APOO: variants seen among roughly 807,000 people sequenced by gnomAD.
APOO encodes the protein MICOS complex subunit MIC26.
In APOO, 11 loss-of-function variants were observed where a neutral mutation model predicts 23.1. The observed-to-expected ratio is 0.48, with a 90% CI of 0.30 to 0.79. The LOEUF is 0.79. APOO is among the 30% of genes least tolerant of loss of function. The probability of loss-of-function intolerance (pLI) is 0.07; values close to 1 mark genes in which losing one functional copy is unlikely to be tolerated. For synonymous variants in APOO, 59 were observed against 54.8 expected, an observed-to-expected ratio of 1.08 and a Z score of -0.34; for missense variants, 160 against 142.7, an observed-to-expected ratio of 1.12 and a Z score of -0.62.
Position 23,907,697 on chromosome X carries a change from G to T in APOO, c.6C>A (p.Phe2Leu), listed in dbSNP as rs1373428884. The T allele has an allele frequency of 8.6e-7, 1 of 1,160,374 alleles. No individual in the cohort carries two copies. Reference sequence around the variant, plus strand: ...TGACTCGACTCCACGCTCTCACCTTGAACATGTCGCTGGCAGCGGAGGCTC... The same window carrying T: ...TGACTCGACTCCACGCTCTCACCTTTAACATGTCGCTGGCAGCGGAGGCTC... Reference protein sequence around the residue: MFKVIQRSVGPA... With the variant: MLKVIQRSVGPA... The change falls in exon 1 of 9, where the codon TTC (phenylalanine) becomes TTA (leucine). Residue 2 changes from phenylalanine (F) to leucine (L), a missense_variant. Phe to Leu is a conservative substitution (Grantham distance 22). Coordinates refer to ENST00000379226, the MANE Select transcript of APOO (RefSeq NM_024122.5).
chrX:23,866,496 C>T (rs922128868), intron 5 of APOO, among the ~76,000 whole-genome samples: 3 of 111,502 alleles, frequency 2.7e-5, no homozygotes, highest in Non-Finnish European at 5.7e-5. Flanking sequence ...TAGCTGGGTG[C>T]GGCAGCTCAT....
Position 23,872,521 on chromosome X carries a change from T to TTATATATATATA in APOO, c.292+1870_292+1881dup, listed in dbSNP as rs773219545. On this transcript the variant is annotated intron_variant, in intron 4 of 8. Transcript: ENST00000379226. ...GTATCTGTCAGCTTGTTATGAGAATTTATATATATATATATATATATATAA... is the reference window on the plus strand; with the variant it reads ...GTATCTGTCAGCTTGTTATGAGAATTTATATATATATATATATATATATATATATATATATAA... Among the ~76,000 whole-genome samples the TTATATATATATA allele has an allele frequency of 3.8e-3, 357 of 93,211 alleles. 4 individuals are homozygous for TTATATATATATA. The highest frequency in any genetic ancestry group is 8.5e-3 in the African/African-American group (211 of 24,893). The allele number at this position is 93,211 out of a possible 115,157, so 80.9% of individuals were successfully genotyped here.
At chrX:23,886,465 T>C (rs151183487) in intron 1 of APOO, among the ~76,000 whole-genome samples, 108 of 111,725 alleles carry the variant, frequency 9.7e-4, no homozygotes, top group Middle Eastern at 4.6e-3. Flanking sequence ...ATCTATGTAT[T>C]TCACTCTATG....
Position 23,856,395 on chromosome X carries a change from T to C in APOO, c.481-13A>G, listed in dbSNP as rs376359593. The C allele has an allele frequency of 2.2e-5, 26 of 1,161,112 alleles. No homozygotes were observed. In the African/African-American group the frequency reaches 3.6e-4, roughly 16 times the overall value. On this transcript the variant is annotated splice_polypyrimidine_tract_variant and intron_variant, in intron 6 of 8. Coordinates refer to ENST00000379226, the MANE Select transcript of APOO (RefSeq NM_024122.5). ...TCTCCCCACTGACCTTAAAACAAAA[T>C]AGAAAAGATCTTACCATCTGACCCA...
rs181014792 is a variant in APOO, at chrX:23,848,152, C to G, written c.562-7775G>C. Reference sequence around the variant, plus strand: ...CCCCCCAAAGTGCTGAGATTACAGGCATGAGCCACCGCGTCTGGCCCTATT... The same window carrying G: ...CCCCCCAAAGTGCTGAGATTACAGGGATGAGCCACCGCGTCTGGCCCTATT... On this transcript the variant is annotated intron_variant, in intron 7 of 8. Transcript: ENST00000379226. Among the ~76,000 whole-genome samples the G allele has an allele frequency of 3.1e-3, 330 of 108,133 alleles. 1 individual carries two copies. Among genetic ancestry groups the G allele is most frequent in the African/African-American group, 0.01 (310 of 29,638 alleles). The allele number at this position is 108,133 out of a possible 115,157, so 93.9% of individuals were successfully genotyped here.
At chrX:23,842,178 C>T (rs979027163) in intron 7 of APOO, among the ~76,000 whole-genome samples, 2 of 111,083 alleles carry the variant, frequency 1.8e-5, no homozygotes, top group African/African-American at 6.6e-5. Context: ...CACTTGAGCC[C>T]AGGAGTTCAA....
intron 6 of APOO, 29 bp from the exon 7 acceptor site, chrX:23,856,411 A>G: frequency 9.1e-7 from 1 of 1,102,006 alleles, no homozygotes; most frequent in Non-Finnish European, 1.2e-6. Flanking sequence ...AGATCTTACC[A>G]TCTGACCCAG....
chrX:23,875,178 A>C (rs1203898150), intron 3 of APOO, among the ~76,000 whole-genome samples: 1 of 106,171 alleles, frequency 9.4e-6, no homozygotes, highest in Non-Finnish European at 1.9e-5. Flanking sequence ...TCAATCCAGG[A>C]GGCGGAGGTT....
At chrX:23,846,310 C>CAAAAAA (rs1227084225) in intron 7 of APOO, among the ~76,000 whole-genome samples, 1 of 33,922 alleles carries the variant, frequency 2.9e-5, no homozygotes. Flanking sequence ...GACTCCATCT[C>CAAAAAA]AAAAAAAAAA....
chrX:23,879,142 C>CTAG, intron 2 of APOO, 108 bp from the exon 3 acceptor site: 2 of 956,135 alleles, frequency 2.1e-6, no homozygotes, highest in Non-Finnish European at 2.8e-6. Flanking sequence ...TCATGAATTA[C>CTAG]AGTGACTCTG....
intron 7 of APOO, among the ~76,000 whole-genome samples, chrX:23,846,343 C>T (rs1393808302): frequency 2.7e-5 from 2 of 74,695 alleles, no homozygotes; most frequent in Non-Finnish European, 5.0e-5. Flanking sequence ...CAACTCTAGT[C>T]GGGTGCAGTG....
At chrX:23,848,903 C>A (rs55955927) in intron 7 of APOO, among the ~76,000 whole-genome samples, 2,542 of 95,999 alleles carry the variant, frequency 0.026, 44 homozygotes, top group Non-Finnish European at 0.039. Context: ...GTCGCCCAGG[C>A]TGGAGTGCAG....
intron 5 of APOO, among the ~76,000 whole-genome samples, chrX:23,859,377 G>A (rs1052344067): frequency 3.6e-5 from 4 of 110,065 alleles, no homozygotes; most frequent in East Asian, 2.8e-4. Context: ...CAACTCCCCC[G>A]TACCGTCCAG....
chrX:23,868,512 G>A (rs1925443198), intron 5 of APOO, 81 bp downstream of exon 5: 2 of 809,205 alleles, frequency 2.5e-6, no homozygotes, highest in Non-Finnish European at 3.5e-6. Flanking sequence ...TCTGAAACCT[G>A]GTAAATGAAG....
At chrX:23,881,563 TAAAAAAAAAAAAAA>T (rs60466764) in intron 1 of APOO, among the ~76,000 whole-genome samples, 2 of 9,174 alleles carry the variant, frequency 2.2e-4, no homozygotes, top group Non-Finnish European at 3.1e-4. Flanking sequence ...ATCGCTCCAC[TAAAAAAAAAAAAAA>T]AAAAAAAAAA....
At chrX:23,859,339 T>C (rs1293072711) in intron 5 of APOO, among the ~76,000 whole-genome samples, 2 of 111,500 alleles carry the variant, frequency 1.8e-5, no homozygotes, top group African/African-American at 6.5e-5. Flanking sequence ...TCATAATCAC[T>C]AAAAGAAACC....
At position 23,856,349 on chromosome X, in the gene APOO, G is replaced by A. The variant is rs752425092; in HGVS notation, c.514C>T (p.Arg172Ter). 8 of 1,208,807 alleles carry A rather than the reference G, an allele frequency of 6.6e-6. No individual in the cohort carries two copies. The change falls in exon 7 of 9, where the codon CGA becomes TGA. Residue 172 changes from arginine (R) to a stop codon, truncating the protein, a stop_gained. Transcript: ENST00000379226. LOFTEE classifies it high-confidence loss of function. The stretch of plus-strand genomic sequence containing the variant: ...AAATCTTCTATGACTATATATCCTC[G>A]TAAACCCCAGTCATATAATCTCTCC... ...SGERLYDWGLRGYIVIEDLWK... is the reference protein window; with the variant it reads ...SGERLYDWGL
rs73481732 is a variant in APOO, at chrX:23,897,357, G to C, written c.9+10337C>G. Reference sequence around the variant, plus strand: ...CTTAGGGCCAAAGAGTGAGATAATTGTTCATTTAGGCAGGTTTTGAGTCAT... The same window carrying C: ...CTTAGGGCCAAAGAGTGAGATAATTCTTCATTTAGGCAGGTTTTGAGTCAT... On this transcript the variant is annotated intron_variant, in intron 1 of 8. Transcript: ENST00000379226. Among the ~76,000 whole-genome samples the C allele has an allele frequency of 4.0e-3, 449 of 112,054 alleles. 1 individual carries two copies. The highest frequency in any genetic ancestry group is 0.013 in the African/African-American group (416 of 30,868).
At chrX:23,883,202 G>T (rs1216729437) in intron 1 of APOO, among the ~76,000 whole-genome samples, 1 of 111,752 alleles carries the variant, frequency 8.9e-6, no homozygotes, top group Non-Finnish European at 1.9e-5. Flanking sequence ...CCTAGGTGAG[G>T]ACAGGCATTT....
Sources: allele counts gnomAD v4.1 joint callset (sites outside exome capture counted in the v4.1 genomes callset), GRCh38; gene constraint gnomAD v4.1.1; transcripts MANE v1.5; gene names NCBI Gene and HGNC (gene_info 2026-07-23, HGNC 2026-07-21).